Variants in CNTNAP2 observed in about 807,000 individuals in gnomAD.
CNTNAP2 encodes contactin-associated protein-like 2.
A neutral mutation model predicts 155.2 loss-of-function variants in CNTNAP2; 98 were observed. The observed-to-expected ratio is 0.63, with a 90% CI of 0.54 to 0.75. CNTNAP2 has a LOEUF of 0.75. Among genes scored for constraint, CNTNAP2 ranks in the 30% least tolerant of loss-of-function variants. The pLI is 0.00. For synonymous variants in CNTNAP2, 651 were observed against 631.2 expected (o/e 1.03, Z -0.47); for missense variants, 1,727 against 1,688.1 (o/e 1.02, Z -0.40).
intron 20 of CNTNAP2, among the ~76,000 whole-genome samples, chr7:148,237,965 T>G (rs1796072620): frequency 6.6e-6 from 1 of 152,230 alleles, no homozygotes; most frequent in Non-Finnish European, 1.5e-5. Context: ...TTCTTACATA[T>G]CGAAATGCTT....
chr7:146,325,998 C>G (rs1435262483), intron 1 of CNTNAP2, among the ~76,000 whole-genome samples: 1 of 152,102 alleles, frequency 6.6e-6, no homozygotes, highest in Non-Finnish European at 1.5e-5. Context: ...GTTTATGTTG[C>G]TTAAACCCTG....
At chr7:147,380,694 T>C (rs1203910567) in intron 9 of CNTNAP2, among the ~76,000 whole-genome samples, 1 of 152,144 alleles carries the variant, frequency 6.6e-6, no homozygotes, top group East Asian at 1.9e-4. Context: ...GGCTTTGCTA[T>C]TGATTTGAAG....
chr7:147,395,500 G>C, intron 9 of CNTNAP2, 109 bp from the exon 10 acceptor site: 1 of 1,074,612 alleles, frequency 9.3e-7, no homozygotes, highest in East Asian at 2.4e-5. Context: ...AAGGATTAAA[G>C]AAACAGTAGT....
intron 1 of CNTNAP2, among the ~76,000 whole-genome samples, chr7:146,304,832 G>C (rs1432536699): frequency 6.6e-6 from 1 of 151,976 alleles, no homozygotes; most frequent in Non-Finnish European, 1.5e-5. Context: ...TGCTATTTTG[G>C]GGAAGTTCCC....
At chr7:147,619,946 G>T (rs1801362303) in intron 12 of CNTNAP2, among the ~76,000 whole-genome samples, 2 of 152,170 alleles carry the variant, frequency 1.3e-5, no homozygotes, top group South Asian at 4.1e-4. Context: ...GAGTAGTTGT[G>T]TCACTCCACC....
At chr7:147,256,194 T>C (rs1043468873) in intron 8 of CNTNAP2, among the ~76,000 whole-genome samples, 13 of 149,904 alleles carry the variant, frequency 8.7e-5, no homozygotes, top group African/African-American at 3.2e-4. Flanking sequence ...CCTTATTTTC[T>C]TAACACGCTA....
At position 146,553,629 on chromosome 7, in the gene CNTNAP2, A is replaced by AATTTC. The variant is rs147408183; in HGVS notation, c.98-220637_98-220633dup. On this transcript the variant is annotated intron_variant, in intron 1 of 23. Transcript: ENST00000361727. ...TGGTATTCATAAAAGTTGGACTAACAATTTCATTTACATTTGAAAGAAAAT... is the reference window on the plus strand; with the variant it reads ...TGGTATTCATAAAAGTTGGACTAACAATTTCATTTCATTTACATTTGAAAGAAAAT... Among the ~76,000 whole-genome samples, 394 of 152,316 alleles carry AATTTC rather than the reference A, an allele frequency of 2.6e-3. 2 individuals carry two copies. The highest frequency in any genetic ancestry group is 9.1e-3 in the African/African-American group (378 of 41,582).
chr7:147,215,918 T>C (rs539453957), intron 8 of CNTNAP2, among the ~76,000 whole-genome samples: 35 of 152,308 alleles, frequency 2.3e-4, no homozygotes, highest in East Asian at 3.9e-4. Context: ...GTTGTTTTAA[T>C]TTGTAGTTCC....
At chr7:146,193,102 C>G (rs1221918209) in intron 1 of CNTNAP2, among the ~76,000 whole-genome samples, 1 of 152,214 alleles carries the variant, frequency 6.6e-6, no homozygotes, top group African/African-American at 2.4e-5. Flanking sequence ...TTGGACAGCT[C>G]CACCCCTATG....
At chr7:146,659,763 G>A (rs1462241939) in intron 1 of CNTNAP2, among the ~76,000 whole-genome samples, 1 of 152,196 alleles carries the variant, frequency 6.6e-6, no homozygotes, top group Non-Finnish European at 1.5e-5. Context: ...CATTAAAGGA[G>A]TTTCTTATCA....
chr7:146,641,968 G>A (rs1043555204), intron 1 of CNTNAP2, among the ~76,000 whole-genome samples: 1 of 152,014 alleles, frequency 6.6e-6, no homozygotes, highest in Non-Finnish European at 1.5e-5. Flanking sequence ...GTTTGTAAAT[G>A]AGAACATTCA....
rs1800245121 is a variant in CNTNAP2 at position 146,281,113 on chromosome 7, T to C, written c.97+164140T>C. Among the ~76,000 whole-genome samples the C allele has an allele frequency of 3.3e-5, 5 of 152,316 alleles. No individual in the cohort carries two copies. In the South Asian group the frequency reaches 1.0e-3, roughly 32 times the overall value. ...TGGGCCAAGGCGGGTCACAGCTCTA[T>C]GTTTAATTTTTTAGATCATCTGAAC... On this transcript the variant is annotated intron_variant, in intron 1 of 23. Coordinates refer to ENST00000361727, the MANE Select transcript of CNTNAP2 (RefSeq NM_014141.6).
At chr7:146,934,637 T>C (rs1250603770) in intron 3 of CNTNAP2, among the ~76,000 whole-genome samples, 1 of 152,136 alleles carries the variant, frequency 6.6e-6, no homozygotes, top group East Asian at 1.9e-4. Flanking sequence ...TTTTCAACAA[T>C]GGACATGTAT....
At chr7:147,191,266 T>A (rs2116523931) in intron 8 of CNTNAP2, among the ~76,000 whole-genome samples, 1 of 152,306 alleles carries the variant, frequency 6.6e-6, no homozygotes, top group Admixed American at 6.5e-5. Flanking sequence ...TATAGTATAT[T>A]TTCACAGGAG....
chr7:146,600,694 T>C (rs1480475118), intron 1 of CNTNAP2, among the ~76,000 whole-genome samples: 1 of 152,154 alleles, frequency 6.6e-6, no homozygotes, highest in Non-Finnish European at 1.5e-5. Context: ...GAATACACAA[T>C]ATAATTTTTA....
intron 15 of CNTNAP2, among the ~76,000 whole-genome samples, chr7:148,039,865 C>A (rs1415868125): frequency 2.0e-5 from 3 of 152,178 alleles, no homozygotes; most frequent in African/African-American, 7.2e-5. Flanking sequence ...TGTTTTTCCT[C>A]ACAAACCAAT....
intron 4 of CNTNAP2, among the ~76,000 whole-genome samples, chr7:147,095,606 TCA>T: frequency 6.6e-6 from 1 of 152,024 alleles, no homozygotes; most frequent in African/African-American, 2.4e-5. Flanking sequence ...TCATTGTCTT[TCA>T]TTGTTTTTCT....
intron 9 of CNTNAP2, among the ~76,000 whole-genome samples, chr7:147,347,140 A>T (rs1301852724): frequency 1.3e-5 from 2 of 152,078 alleles, no homozygotes; most frequent in Non-Finnish European, 2.9e-5. Context: ...TCAACAAATC[A>T]TTGGTCCTTC....
At chr7:146,181,676 T>C (rs1163685308) in intron 1 of CNTNAP2, among the ~76,000 whole-genome samples, 1 of 152,208 alleles carries the variant, frequency 6.6e-6, no homozygotes, top group Non-Finnish European at 1.5e-5. Context: ...TTGCTGTAGT[T>C]TTATGCTTAC....
Sources: allele counts gnomAD v4.1 joint callset (sites outside exome capture counted in the v4.1 genomes callset), GRCh38; gene constraint gnomAD v4.1.1; transcripts MANE v1.5; gene names NCBI Gene and HGNC (gene_info 2026-07-23, HGNC 2026-07-21).